Variants in ACTR3C observed in about 807,000 individuals in gnomAD.
ACTR3C encodes actin related protein 3C.
In ACTR3C, 18 loss-of-function variants were observed where a neutral mutation model predicts 26.3. The observed-to-expected ratio is 0.68, with a 90% confidence interval of 0.47 to 1.01. ACTR3C has a LOEUF of 1.01. Among genes scored for constraint, ACTR3C ranks in the 50% least tolerant of loss-of-function variants. ACTR3C has a pLI of 0.00. For synonymous variants in ACTR3C, 55 were observed against 94.5 expected, an observed-to-expected ratio of 0.58 and a Z score of 2.42; for missense variants, 184 against 250.7, an observed-to-expected ratio of 0.73 and a Z score of 1.80.
chr7:149,893,913 C>T, the ACTR3C span, among the ~76,000 whole-genome samples: 3 of 152,172 alleles, frequency 2.0e-5, no homozygotes, highest in East Asian at 3.8e-4. Flanking sequence ...TGGCATCCTT[C>T]ACAGAAATAG....
At chr7:149,991,721 G>A in the ACTR3C span, among the ~76,000 whole-genome samples, 2 of 152,188 alleles carry the variant, frequency 1.3e-5, no homozygotes, top group African/African-American at 4.8e-5. Flanking sequence ...AGTCAAATTC[G>A]ATCTTATGTT....
At chr7:150,068,782 CAAAA>C in the ACTR3C span, among the ~76,000 whole-genome samples, 2,869 of 76,706 alleles carry the variant, frequency 0.037, 106 homozygotes, top group African/African-American at 0.12. Flanking sequence ...GACTCCGTCC[CAAAA>C]AAAAAAAAAA....
At chr7:150,215,408 C>T in the ACTR3C span, among the ~76,000 whole-genome samples, 1 of 152,072 alleles carries the variant, frequency 6.6e-6, no homozygotes, top group Non-Finnish European at 1.5e-5. Flanking sequence ...TTGCCACATT[C>T]TAGGAGCGCA....
the ACTR3C span, among the ~76,000 whole-genome samples, chr7:150,133,412 T>C: frequency 7.2e-5 from 11 of 152,254 alleles, no homozygotes; most frequent in South Asian, 2.1e-3. Flanking sequence ...AGATGCTCCT[T>C]GTTCATGCTC....
intron 2 of ACTR3C, among the ~76,000 whole-genome samples, chr7:150,293,958 G>A (rs1382149774): frequency 7.2e-5 from 11 of 151,826 alleles, no homozygotes; most frequent in East Asian, 1.9e-4. Context: ...AAGAAAGAAA[G>A]AAAAAAAACT....
At chr7:149,898,946 C>A in the ACTR3C span, among the ~76,000 whole-genome samples, 5 of 151,894 alleles carry the variant, frequency 3.3e-5, no homozygotes, top group Admixed American at 6.6e-5. Context: ...GTCACCCAAG[C>A]TATCTCTAGT....
At chr7:150,185,234 G>T in the ACTR3C span, among the ~76,000 whole-genome samples, 1 of 151,386 alleles carries the variant, frequency 6.6e-6, no homozygotes, top group African/African-American at 2.4e-5. Flanking sequence ...CAGTGATCCT[G>T]ATTGTTCCTT....
At chr7:149,992,275 G>A in the ACTR3C span, among the ~76,000 whole-genome samples, 2 of 152,242 alleles carry the variant, frequency 1.3e-5, no homozygotes, top group African/African-American at 2.4e-5. Flanking sequence ...GTTTTGATAT[G>A]TCATGGGATC....
At chr7:150,012,092 A>G in the ACTR3C span, among the ~76,000 whole-genome samples, 8 of 152,192 alleles carry the variant, frequency 5.3e-5, no homozygotes, top group Admixed American at 5.2e-4. Context: ...ATTGGATAAA[A>G]TGAAATATAA....
At chr7:150,155,641 G>C in the ACTR3C span, among the ~76,000 whole-genome samples, 1 of 147,832 alleles carries the variant, frequency 6.8e-6, no homozygotes, top group Non-Finnish European at 1.5e-5. Context: ...GTGCCTCTGT[G>C]GTCTCATCTC....
In ACTR3C at chr7:150,286,468, T is replaced by C; in HGVS notation, c.370A>G (p.Ile124Val). 6.2e-7 allele frequency: 1 copy of C among 1,612,644 alleles called. No homozygotes were observed. Among genetic ancestry groups the C allele is most frequent in the Non-Finnish European group, 8.5e-7 (1 of 1,179,920 alleles). Residue 124 changes from isoleucine (I) to valine (V), a missense_variant, in exon 5 of 8, where the codon ATC becomes GTC. Coordinates refer to ENST00000683684, the MANE Select transcript of ACTR3C (RefSeq NM_001164458.2). ...AKYDVDPQKW[I>V]KQYTGINAIN... ...GCATTGATACCCGTGTACTGTTTGA[T>C]CCACTTCTGGGGATCCACATCATAC...
chr7:150,251,498 G>T (rs927615387), intron 6 of ACTR3C, among the ~76,000 whole-genome samples: 4 of 151,776 alleles, frequency 2.6e-5, no homozygotes, highest in African/African-American at 9.7e-5. Context: ...TTTAAAACAT[G>T]GTTGCTATAG....
At chr7:150,259,052 C>T (rs1165692475) in intron 6 of ACTR3C, among the ~76,000 whole-genome samples, 1 of 151,564 alleles carries the variant, frequency 6.6e-6, no homozygotes, top group African/African-American at 2.4e-5. Flanking sequence ...TATTCACTTA[C>T]ATTTTGCCTC....
chr7:149,981,032 A>G, the ACTR3C span, among the ~76,000 whole-genome samples: 1 of 151,524 alleles, frequency 6.6e-6, no homozygotes, highest in African/African-American at 2.4e-5. Flanking sequence ...AGGTGTAATT[A>G]CTTGGATGGT....
chr7:150,149,078 AGTAT>A, the ACTR3C span, among the ~76,000 whole-genome samples: 1 of 49,584 alleles, frequency 2.0e-5, no homozygotes, highest in African/African-American at 8.2e-5. Context: ...ATAAAGTTTG[AGTAT>A]ATATATATAT....
the ACTR3C span, chr7:150,062,344 T>G: frequency 2.5e-5 from 2 of 79,928 alleles, no homozygotes; most frequent in African/African-American, 1.1e-4. Context: ...GTTTTTCAAC[T>G]GCATGTGGGG....
At chr7:150,101,728 A>C in the ACTR3C span, among the ~76,000 whole-genome samples, 1 of 151,808 alleles carries the variant, frequency 6.6e-6, no homozygotes, top group Non-Finnish European at 1.5e-5. Context: ...CTGCCAGCTC[A>C]CTCTAGTTTC....
At chr7:149,892,355 T>C in the ACTR3C span, 15 of 1,601,298 alleles carry the variant, frequency 9.4e-6, no homozygotes, top group East Asian at 2.3e-5. Context: ...ACACTCTCCT[T>C]TGGGCTTGGT....
chr7:150,136,704 G>A, the ACTR3C span, among the ~76,000 whole-genome samples: 2 of 132,350 alleles, frequency 1.5e-5, no homozygotes, highest in South Asian at 2.2e-4. Flanking sequence ...ATAAATAAAT[G>A]GTAAAAAGAC....
Sources: gnomAD v4.1 joint callset for allele counts (sites outside exome capture counted in the v4.1 genomes callset) on GRCh38, gnomAD v4.1.1 for gene constraint, MANE v1.5 for transcripts, NCBI Gene and HGNC (gene_info 2026-07-23, HGNC 2026-07-21) for gene names.